DIAPH2: variants seen among roughly 807,000 people sequenced by gnomAD.
DIAPH2 encodes diaphanous related formin 2.
Under a neutral mutation model 92.7 loss-of-function variants are expected in DIAPH2, and 35 were observed. That is an observed-to-expected ratio of 0.38 (90% CI 0.29 to 0.50). DIAPH2 has a LOEUF of 0.50. Ranked by LOEUF, DIAPH2 falls within the 20% of genes least tolerant of loss-of-function variation. DIAPH2 has a pLI of 0.94. For missense variants in DIAPH2, 701 were observed against 819.5 expected, an observed-to-expected ratio of 0.86 and a Z score of 1.77; for synonymous variants, 301 against 280.4, an observed-to-expected ratio of 1.07 and a Z score of -0.73.
At chrX:97,130,639 T>G (rs1276111865) in intron 21 of DIAPH2, among the ~76,000 whole-genome samples, 1 of 111,309 alleles carries the variant, frequency 9.0e-6, no homozygotes, top group Non-Finnish European at 1.9e-5. Context: ...GGGTAACAGT[T>G]TCAGTATAGG....
In DIAPH2 at chrX:97,104,935, G is replaced by C. The variant is rs112244073; in HGVS notation, c.2349+5140G>C. On this transcript the variant is annotated intron_variant, in intron 20 of 26. Coordinates refer to ENST00000324765, the MANE Select transcript of DIAPH2 (RefSeq NM_006729.5). Reference sequence around the variant, plus strand: ...GCAGATCGCTTGAGCCCAGGAATTCGAGACCTGCCTGGCCAACATGGCAAA... The same window carrying C: ...GCAGATCGCTTGAGCCCAGGAATTCCAGACCTGCCTGGCCAACATGGCAAA... 1.2e-4 allele frequency among the ~76,000 whole-genome samples: 13 copies of C among 111,692 alleles called. No homozygotes were observed. In the East Asian group the frequency reaches 3.6e-3, roughly 31 times the overall value.
At chrX:96,912,882 T>A (rs1019777588) in intron 7 of DIAPH2, among the ~76,000 whole-genome samples, 1 of 111,304 alleles carries the variant, frequency 9.0e-6, no homozygotes, top group Non-Finnish European at 1.9e-5. Flanking sequence ...TGAGGTTAAA[T>A]ACACATTTGA....
At chrX:97,328,865 C>T (rs184238394) in intron 23 of DIAPH2, among the ~76,000 whole-genome samples, 141 of 111,133 alleles carry the variant, frequency 1.3e-3, no homozygotes, top group Admixed American at 0.012. Context: ...AATTTTCACC[C>T]GCTAATGAAT....
intron 1 of DIAPH2, among the ~76,000 whole-genome samples, chrX:96,712,933 G>A (rs935545195): frequency 9.0e-6 from 1 of 111,023 alleles, no homozygotes; most frequent in Admixed American, 9.6e-5. Flanking sequence ...CCAAGCAGAG[G>A]AGAGAGCAGG....
chrX:97,486,552 T>G (rs905571056), intron 26 of DIAPH2, among the ~76,000 whole-genome samples: 1 of 111,859 alleles, frequency 8.9e-6, no homozygotes, highest in African/African-American at 3.2e-5. Context: ...GTGTGCTACC[T>G]GTGGCCATTC....
intron 20 of DIAPH2, among the ~76,000 whole-genome samples, chrX:97,106,578 A>G (rs1411850806): frequency 8.9e-6 from 1 of 111,874 alleles, no homozygotes; most frequent in Non-Finnish European, 1.9e-5. Context: ...TTAAAAATCA[A>G]AAGTTAACCC....
chrX:96,721,801 T>TA (rs1320216170), intron 1 of DIAPH2, among the ~76,000 whole-genome samples: 2 of 111,570 alleles, frequency 1.8e-5, no homozygotes, highest in African/African-American at 6.5e-5. Flanking sequence ...GTTCTGTTTT[T>TA]ACCTCAGTAT....
rs73547719 is a variant in DIAPH2, at chrX:96,763,163, G to A, written c.447+4905G>A. ...GTTTTACCCTTAGATATGAATTTGT[G>A]GTTTTGTAAATTGTGATTTTTGCTT... On this transcript the variant is annotated intron_variant, in intron 4 of 26. Coordinates refer to ENST00000324765, the MANE Select transcript of DIAPH2 (RefSeq NM_006729.5). The A allele has an allele frequency of 3.8e-3, 3,455 of 900,058 alleles. 68 individuals carry two copies. In the African/African-American group the frequency reaches 0.062, roughly 16 times the overall value. The allele number at this position is 900,058 out of a possible 1,213,427, so 74.2% of individuals were successfully genotyped here.
At chrX:96,806,273 G>A (rs189613923) in intron 4 of DIAPH2, among the ~76,000 whole-genome samples, 75 of 111,674 alleles carry the variant, frequency 6.7e-4, no homozygotes, top group African/African-American at 2.3e-3. Flanking sequence ...TAAATCCTCA[G>A]TTTTCTAGTA....
intron 11 of DIAPH2, among the ~76,000 whole-genome samples, chrX:96,938,542 T>C (rs1034529801): frequency 2.7e-5 from 3 of 111,663 alleles, no homozygotes; most frequent in African/African-American, 9.8e-5. Context: ...AATTCTACTT[T>C]GGAGAAAATG....
At chrX:96,885,087 T>C (rs1366887160) in intron 5 of DIAPH2, 1 of 1,202,013 alleles carries the variant, frequency 8.3e-7, no homozygotes, top group Non-Finnish European at 1.1e-6. Flanking sequence ...ATTTTAAGTC[T>C]GCTGATTGAG....
intron 26 of DIAPH2, among the ~76,000 whole-genome samples, chrX:97,542,576 T>C (rs1464163862): frequency 1.8e-5 from 2 of 112,277 alleles, no homozygotes; most frequent in East Asian, 2.8e-4. Flanking sequence ...CACTATTACC[T>C]GTTAAGTGTG....
intron 23 of DIAPH2, among the ~76,000 whole-genome samples, chrX:97,325,609 A>T (rs1221577256): frequency 9.4e-6 from 1 of 106,157 alleles, no homozygotes; most frequent in African/African-American, 3.4e-5. Flanking sequence ...ATGGAGTCTC[A>T]CTCTGTCGCC....
chrX:97,320,756 G>T (rs1165132422), intron 23 of DIAPH2, among the ~76,000 whole-genome samples: 1 of 108,033 alleles, frequency 9.3e-6, no homozygotes, highest in Non-Finnish European at 1.9e-5. Flanking sequence ...AGTTGAGGCT[G>T]CCTTGAATGT....
At chrX:97,273,901 T>G (rs1368123478) in intron 23 of DIAPH2, among the ~76,000 whole-genome samples, 1 of 111,283 alleles carries the variant, frequency 9.0e-6, no homozygotes, top group African/African-American at 3.3e-5. Context: ...CTCTTGGCCT[T>G]GACATCATTC....
chrX:97,583,958 T>G (rs1438906799), intron 26 of DIAPH2, among the ~76,000 whole-genome samples: 2 of 111,491 alleles, frequency 1.8e-5, no homozygotes, highest in Non-Finnish European at 3.8e-5. Context: ...CGTCACCCCT[T>G]TCTTTGATTA....
Position 96,856,855 on chromosome X carries a change from G to A in DIAPH2, c.448-24724G>A, listed in dbSNP as rs1276423215. 3.6e-5 allele frequency among the ~76,000 whole-genome samples: 4 copies of A among 110,338 alleles called. No individual in the cohort carries two copies. The Admixed American group carries it at 3.9e-4, about 11-fold the overall frequency. Reference sequence around the variant, plus strand: ...AGTTTGAAACCAGCCTGGCCAACATGGTGAAACCCTGTCTCTACTAAAAAT... The same window carrying A: ...AGTTTGAAACCAGCCTGGCCAACATAGTGAAACCCTGTCTCTACTAAAAAT... On this transcript the variant is annotated intron_variant, in intron 4 of 26. Coordinates refer to ENST00000324765, the MANE Select transcript of DIAPH2 (RefSeq NM_006729.5).
chrX:96,837,037 T>G (rs992603271), intron 4 of DIAPH2, among the ~76,000 whole-genome samples: 1 of 110,009 alleles, frequency 9.1e-6, no homozygotes, highest in African/African-American at 3.3e-5. Context: ...GGTATATATT[T>G]AATACAAGGA....
intron 9 of DIAPH2, among the ~76,000 whole-genome samples, chrX:96,923,841 A>C (rs192671378): frequency 7.1e-5 from 8 of 111,966 alleles, no homozygotes; most frequent in Admixed American, 2.9e-4. Context: ...ACTAACTCAC[A>C]TATTTAGTGA....
Sources: gnomAD v4.1 joint callset for allele counts (sites outside exome capture counted in the v4.1 genomes callset) on GRCh38, gnomAD v4.1.1 for gene constraint, MANE v1.5 for transcripts, NCBI Gene and HGNC (gene_info 2026-07-23, HGNC 2026-07-21) for gene names.